EPHB1: variants seen among roughly 807,000 people sequenced by gnomAD.
EPHB1 encodes the protein ephrin type-B receptor 1.
Under a neutral mutation model 94.4 loss-of-function variants are expected in EPHB1, and 30 were observed. That is an observed-to-expected ratio of 0.32 (90% CI 0.24 to 0.43). The LOEUF is 0.43. EPHB1 is among the 20% of genes least tolerant of loss of function. EPHB1 has a pLI of 1.00. For synonymous variants in EPHB1, 522 were observed against 489.1 expected, an observed-to-expected ratio of 1.07 and a Z score of -0.89; for missense variants, 1,055 against 1,308.3, an observed-to-expected ratio of 0.81 and a Z score of 2.99.
intron 1 of EPHB1, among the ~76,000 whole-genome samples, chr3:134,916,089 C>A (rs1481565885): frequency 1.3e-5 from 2 of 151,984 alleles, no homozygotes; most frequent in East Asian, 1.9e-4. Context: ...TAGACACAAA[C>A]GTTCTCCAAG....
intron 3 of EPHB1, among the ~76,000 whole-genome samples, chr3:135,062,535 GT>G (rs958615412): frequency 2.0e-5 from 3 of 150,842 alleles, no homozygotes; most frequent in Non-Finnish European, 3.0e-5. Context: ...TTTTGATGGG[GT>G]TTTTTTTTCT....
At chr3:134,986,758 C>T (rs1037174952) in intron 3 of EPHB1, among the ~76,000 whole-genome samples, 1 of 146,294 alleles carries the variant, frequency 6.8e-6, no homozygotes, top group African/African-American at 2.5e-5. Context: ...CAAACAAAAA[C>T]AAGAGACCTA....
At chr3:134,900,761 GC>G (rs2038182977) in intron 1 of EPHB1, among the ~76,000 whole-genome samples, 1 of 152,120 alleles carries the variant, frequency 6.6e-6, no homozygotes, top group Non-Finnish European at 1.5e-5. Flanking sequence ...GTGTGAGGGG[GC>G]ATGGGTGTGT....
chr3:134,811,172 A>G (rs893847556), intron 1 of EPHB1, among the ~76,000 whole-genome samples: 1 of 149,750 alleles, frequency 6.7e-6, no homozygotes, highest in Non-Finnish European at 1.5e-5. Flanking sequence ...TCACTATCAC[A>G]GAGTTCTTGC....
At chr3:135,048,990 G>A (rs953630677) in intron 3 of EPHB1, among the ~76,000 whole-genome samples, 1 of 152,166 alleles carries the variant, frequency 6.6e-6, no homozygotes, top group Non-Finnish European at 1.5e-5. Flanking sequence ...CCTCAGAAGT[G>A]GGCTATCTAT....
At chr3:135,133,093 G>C (rs1940479649) in intron 5 of EPHB1, 44 bp downstream of exon 5, 1 of 1,524,424 alleles carries the variant, frequency 6.6e-7, no homozygotes, top group African/African-American at 1.4e-5. Flanking sequence ...TGTGTGGCTG[G>C]CTCTTTGTCT....
At chr3:134,970,240 T>G (rs1933914845) in intron 3 of EPHB1, among the ~76,000 whole-genome samples, 1 of 152,244 alleles carries the variant, frequency 6.6e-6, no homozygotes, top group African/African-American at 2.4e-5. Context: ...CTTCTAAAGT[T>G]TTATGTTTTA....
At chr3:134,949,332 G>A (rs1024926185) in intron 2 of EPHB1, among the ~76,000 whole-genome samples, 5 of 152,130 alleles carry the variant, frequency 3.3e-5, no homozygotes, top group African/African-American at 1.2e-4. Flanking sequence ...GGTGGCAGAG[G>A]CCCAGACAGA....
chr3:134,883,107 C>A (rs1428538180), intron 1 of EPHB1, among the ~76,000 whole-genome samples: 1 of 152,196 alleles, frequency 6.6e-6, no homozygotes, highest in Non-Finnish European at 1.5e-5. Flanking sequence ...CAGGCGTGAG[C>A]CACCATGCCC....
chr3:135,169,553 C>T (rs538810329), intron 9 of EPHB1, among the ~76,000 whole-genome samples: 1 of 152,260 alleles, frequency 6.6e-6, no homozygotes, highest in African/African-American at 2.4e-5. Context: ...CTGACTAAAG[C>T]TATTACTGTT....
At chr3:135,054,939 T>C (rs1250767157) in intron 3 of EPHB1, among the ~76,000 whole-genome samples, 2 of 152,234 alleles carry the variant, frequency 1.3e-5, no homozygotes, top group Admixed American at 6.5e-5. Context: ...TTTAAAAATT[T>C]AGTATGAAAT....
At chr3:134,977,405 C>G (rs1245419224) in intron 3 of EPHB1, among the ~76,000 whole-genome samples, 2 of 152,172 alleles carry the variant, frequency 1.3e-5, no homozygotes, top group Admixed American at 6.5e-5. Context: ...GTGGCAGACT[C>G]CCCCGCAAAT....
intron 3 of EPHB1, among the ~76,000 whole-genome samples, chr3:135,019,107 A>G: frequency 6.6e-6 from 1 of 151,998 alleles, no homozygotes; most frequent in South Asian, 2.1e-4. Flanking sequence ...CCCACTCCAC[A>G]ATACCTGGAG....
intron 1 of EPHB1, among the ~76,000 whole-genome samples, chr3:134,922,968 AG>A (rs1180743919): frequency 6.6e-6 from 1 of 152,098 alleles, no homozygotes; most frequent in Non-Finnish European, 1.5e-5. Context: ...CATGGAGATG[AG>A]TTTCTACAGA....
chr3:134,980,635 A>G (rs1934367489), intron 3 of EPHB1, among the ~76,000 whole-genome samples: 1 of 152,156 alleles, frequency 6.6e-6, no homozygotes, highest in Non-Finnish European at 1.5e-5. Flanking sequence ...TTCTCCATCC[A>G]CATGAGAAGA....
In EPHB1 at chr3:135,259,631, C is replaced by T. The variant is rs992249316; in HGVS notation, c.*511C>T. 5.1e-6 allele frequency: 1 copy of T among 194,708 alleles called. No individual in the cohort carries two copies. The highest frequency in any genetic ancestry group is 2.3e-5 in the African/African-American group (1 of 43,096). 12.1% of individuals were successfully genotyped at this position (194,708 alleles called of 1,614,324 possible). A position where few individuals can be genotyped will look rare whatever the true frequency, so the allele number is the denominator to read the frequency against. ...GGAAGTTTCTTCAAACAAAACCCAG[C>T]TCCTGAGTCTCCAGATGTTGTTCTG... On this transcript the variant is annotated 3_prime_UTR_variant, in exon 16 of 16. Coordinates refer to ENST00000398015, the MANE Select transcript of EPHB1 (RefSeq NM_004441.5).
intron 3 of EPHB1, among the ~76,000 whole-genome samples, chr3:135,026,586 T>G (rs1936182701): frequency 7.0e-6 from 1 of 142,398 alleles, no homozygotes; most frequent in African/African-American, 2.7e-5. Context: ...TCTGTTTTGG[T>G]ACCAGTACCA....
At chr3:134,942,326 G>A (rs958953120) in intron 2 of EPHB1, among the ~76,000 whole-genome samples, 8 of 152,198 alleles carry the variant, frequency 5.3e-5, no homozygotes, top group Non-Finnish European at 1.0e-4. Flanking sequence ...GGGAATTAAG[G>A]AGAATGACTG....
intron 3 of EPHB1, among the ~76,000 whole-genome samples, chr3:135,033,436 A>G (rs1936548529): frequency 6.6e-6 from 1 of 152,170 alleles, no homozygotes; most frequent in South Asian, 2.1e-4. Context: ...GCTCTCTCTG[A>G]TATGTGTATT....
Sources: allele counts gnomAD v4.1 joint callset (sites outside exome capture counted in the v4.1 genomes callset), GRCh38; gene constraint gnomAD v4.1.1; transcripts MANE v1.5; gene names NCBI Gene and HGNC (gene_info 2026-07-23, HGNC 2026-07-21).